C8orf88: variants seen among roughly 807,000 people sequenced by gnomAD.
The protein encoded by C8orf88 is uncharacterized protein C8orf88.
In C8orf88, 14 loss-of-function variants were observed where a neutral mutation model predicts 18.4. That is an observed-to-expected ratio of 0.76 (90% confidence interval 0.50 to 1.19). The LOEUF is 1.19. C8orf88 is among the 50% of genes most tolerant of loss of function. The probability of loss-of-function intolerance (pLI) is 0.00; values close to 1 mark genes in which losing one functional copy is unlikely to be tolerated. For missense variants in C8orf88, 116 were observed against 134.7 expected (o/e 0.86, Z 0.69); for synonymous variants, 45 against 42.9 (o/e 1.05, Z -0.19).
chr8:90,980,677 T>C (rs1811422208), intron 1 of C8orf88, among the ~76,000 whole-genome samples: 1 of 152,280 alleles, frequency 6.6e-6, no homozygotes, highest in Non-Finnish European at 1.5e-5. Context: ...TCTTTAACTT[T>C]ACTGACTCTA....
chr8:90,980,332 T>C, intron 2 of C8orf88, 31 bp downstream of exon 2: 1 of 1,377,890 alleles, frequency 7.3e-7, no homozygotes, highest in Non-Finnish European at 9.6e-7. Context: ...AACACATTAA[T>C]ATTTAAAGAA....
At chr8:90,973,281 C>A (rs186995751) in intron 3 of C8orf88, among the ~76,000 whole-genome samples, 1 of 152,044 alleles carries the variant, frequency 6.6e-6, no homozygotes, top group East Asian at 1.9e-4. Context: ...GCCTGGCAAA[C>A]TGATGAAAAA....
At chr8:90,983,836 T>C (rs1362557886) in intron 1 of C8orf88, among the ~76,000 whole-genome samples, 4 of 152,204 alleles carry the variant, frequency 2.6e-5, no homozygotes, top group African/African-American at 9.6e-5. Flanking sequence ...ACTTGCCTAT[T>C]TGTTACATAA....
At chr8:90,976,764 A>C (rs955972880) in intron 3 of C8orf88, among the ~76,000 whole-genome samples, 1 of 152,084 alleles carries the variant, frequency 6.6e-6, no homozygotes. Context: ...TGCTTATAGG[A>C]GAAAAACTAG....
At chr8:90,972,531 C>A (rs543864776) in intron 3 of C8orf88, among the ~76,000 whole-genome samples, 1 of 151,864 alleles carries the variant, frequency 6.6e-6, no homozygotes, top group Non-Finnish European at 1.5e-5. Flanking sequence ...TAAAATTGTA[C>A]CTTGTCATGT....
At chr8:90,969,066 T>C in intron 4 of C8orf88, among the ~76,000 whole-genome samples, 1 of 151,672 alleles carries the variant, frequency 6.6e-6, no homozygotes, top group Non-Finnish European at 1.5e-5. Flanking sequence ...GGCAGTTCCT[T>C]AAAATGTTAA....
At chr8:90,982,609 G>T (rs187738580) in intron 1 of C8orf88, among the ~76,000 whole-genome samples, 16 of 152,162 alleles carry the variant, frequency 1.1e-4, no homozygotes, top group African/African-American at 1.9e-4. Flanking sequence ...ATATGACTTT[G>T]CAACACAAGT....
intron 4 of C8orf88, among the ~76,000 whole-genome samples, chr8:90,962,517 G>A (rs1811142188): frequency 1.3e-5 from 2 of 151,410 alleles, no homozygotes; most frequent in Admixed American, 6.6e-5. Flanking sequence ...AAAACCAGGG[G>A]AATACTTAGT....
intron 4 of C8orf88, among the ~76,000 whole-genome samples, chr8:90,968,335 T>C (rs1170275918): frequency 1.3e-5 from 2 of 151,626 alleles, no homozygotes; most frequent in Non-Finnish European, 3.0e-5. Flanking sequence ...GAAAAAAGAA[T>C]AGCCTGTTTT....
At chr8:90,963,992 C>T (rs1205227385) in intron 4 of C8orf88, among the ~76,000 whole-genome samples, 2 of 151,610 alleles carry the variant, frequency 1.3e-5, no homozygotes, top group African/African-American at 4.8e-5. Flanking sequence ...AGAATGCAGA[C>T]AACCCCCAAC....
chr8:90,979,494 T>C (rs1811400467), intron 2 of C8orf88, among the ~76,000 whole-genome samples: 1 of 152,174 alleles, frequency 6.6e-6, no homozygotes, highest in Non-Finnish European at 1.5e-5. Context: ...ACAGGCATAT[T>C]GAGAGCAAAC....
chr8:90,961,333 C>G (rs937846288), intron 4 of C8orf88, among the ~76,000 whole-genome samples: 3 of 151,068 alleles, frequency 2.0e-5, no homozygotes, highest in Non-Finnish European at 4.4e-5. Flanking sequence ...CAAGATAGGG[C>G]CCCTATCTTC....
intron 1 of C8orf88, among the ~76,000 whole-genome samples, chr8:90,980,695 G>GTT (rs1189308934): frequency 6.6e-6 from 1 of 151,900 alleles, no homozygotes; most frequent in East Asian, 1.9e-4. Context: ...CTATATTTCT[G>GTT]TTTTTCTTTT....
At chr8:90,969,806 T>C (rs555834647) in intron 4 of C8orf88, among the ~76,000 whole-genome samples, 87 of 151,948 alleles carry the variant, frequency 5.7e-4, no homozygotes, top group African/African-American at 2.0e-3. Context: ...TCCACTTCAA[T>C]TTTTTAAAAA....
At chr8:90,979,962 A>AT (rs533711858) in intron 2 of C8orf88, among the ~76,000 whole-genome samples, 264 of 150,008 alleles carry the variant, frequency 1.8e-3, no homozygotes, top group Middle Eastern at 3.4e-3. Context: ...TTGTGCTAAT[A>AT]TTTTTTTTTT....
At position 90,980,378 on chromosome 8, in the gene C8orf88, G is replaced by C. The variant is rs1262020340; in HGVS notation, c.58C>G (p.Leu20Val). Residue 20 changes from leucine (L) to valine (V), a missense_variant, in exon 2 of 6, where the codon CTG becomes GTG. Leu to Val is a conservative substitution (Grantham distance 32). Coordinates refer to ENST00000517562, the MANE Select transcript of C8orf88 (RefSeq NM_001190972.2). ...TATTACTCACCTGGGGGAGAAGTCAGATGACGAACAGGTCTTGCTGGTTGA... is the reference window on the plus strand; with the variant it reads ...TATTACTCACCTGGGGGAGAAGTCACATGACGAACAGGTCTTGCTGGTTGA... ...PLQPARPVRH[L>V]TSPPGAVFPF... 8 of 1,531,184 alleles carry C rather than the reference G, an allele frequency of 5.2e-6. No individual in the cohort carries two copies. The highest frequency in any genetic ancestry group is 7.0e-6 in the Non-Finnish European group (8 of 1,145,136). The allele number at this position is 1,531,184 out of a possible 1,614,324, so 94.8% of individuals were successfully genotyped here.
intron 3 of C8orf88, among the ~76,000 whole-genome samples, chr8:90,975,928 C>CA (rs1811342056): frequency 8.2e-6 from 1 of 121,580 alleles, no homozygotes. Context: ...CACTATTCCA[C>CA]ATTAAAAAAA....
At chr8:90,979,728 T>C (rs1244364394) in intron 2 of C8orf88, among the ~76,000 whole-genome samples, 1 of 152,234 alleles carries the variant, frequency 6.6e-6, no homozygotes, top group African/African-American at 2.4e-5. Flanking sequence ...GAAGCCATTC[T>C]AGCAACAAGT....
chr8:90,978,592 C>T lies in C8orf88; in HGVS notation c.134G>A (p.Ser45Asn), dbSNP rs1333934010. The change falls in exon 3 of 6, where the codon AGT (serine) becomes AAT (asparagine). Residue 45 changes from serine to asparagine, a missense_variant. By Grantham distance (46) the Ser-to-Asn change is conservative. Transcript: ENST00000517562. ...EYPCNTQCIQSGVSRCKTNGM... is the reference protein window; with the variant it reads ...EYPCNTQCIQNGVSRCKTNGM... ...TCTAAGACTTACTCTGCTAACTCCACTTTGTATGCACTGAGTGTTGCATGG... is the reference window on the plus strand; with the variant it reads ...TCTAAGACTTACTCTGCTAACTCCATTTTGTATGCACTGAGTGTTGCATGG... 2.0e-6 allele frequency: 3 copies of T among 1,526,094 alleles called. No homozygotes were observed. Among genetic ancestry groups the T allele is most frequent in the Middle Eastern group, 1.7e-4 (1 of 5,938 alleles). The allele number at this position is 1,526,094 out of a possible 1,614,324, so 94.5% of individuals were successfully genotyped here.
Sources: allele counts gnomAD v4.1 joint callset (sites outside exome capture counted in the v4.1 genomes callset), GRCh38; gene constraint gnomAD v4.1.1; transcripts MANE v1.5; gene names NCBI Gene and HGNC (gene_info 2026-07-23, HGNC 2026-07-21).